CCDC91: variants seen among roughly 807,000 people sequenced by gnomAD.
CCDC91 encodes coiled-coil domain containing 91.
In CCDC91, 48 loss-of-function variants were observed where a neutral mutation model predicts 63.2. The observed-to-expected ratio is 0.76, with a 90% CI of 0.60 to 0.97. The LOEUF (loss-of-function observed/expected upper bound fraction) is 0.97. CCDC91 is among the 50% of genes least tolerant of loss of function. CCDC91 has a pLI of 0.00. For synonymous variants in CCDC91, 167 were observed against 165.8 expected, an observed-to-expected ratio of 1.01 and a Z score of -0.06; for missense variants, 500 against 494.6, an observed-to-expected ratio of 1.01 and a Z score of -0.10.
chr12:28,281,636 G>T lies in CCDC91; in HGVS notation c.109+22194G>T, dbSNP rs531179949. Among the ~76,000 whole-genome samples the T allele has an allele frequency of 5.3e-5, 8 of 152,154 alleles. No homozygotes were observed. The East Asian group carries it at 1.5e-3, about 29-fold the overall frequency. On this transcript the variant is annotated intron_variant, in intron 3 of 12. Coordinates refer to ENST00000536442, the MANE Select transcript of CCDC91 (RefSeq NM_018318.5). ...CTTATTTTCTTTTGTGTATGTGTAT[G>T]TTTCTCTGAATCTATTTAAGTATAG... is the stretch of plus-strand genomic sequence containing the variant.
chr12:28,325,311 C>G (rs1026433681), intron 6 of CCDC91, among the ~76,000 whole-genome samples: 1 of 151,868 alleles, frequency 6.6e-6, no homozygotes, highest in African/African-American at 2.4e-5. Context: ...ACTTTTTCTC[C>G]TGAAATGGTT....
At chr12:28,481,697 T>C (rs79622771) in intron 11 of CCDC91, among the ~76,000 whole-genome samples, 2,507 of 152,062 alleles carry the variant, frequency 0.016, 73 homozygotes, top group African/African-American at 0.057. Context: ...AAAGGAATAA[T>C]TTATACACGA....
chr12:28,492,188 T>C (rs1438562705), intron 12 of CCDC91, among the ~76,000 whole-genome samples: 1 of 151,748 alleles, frequency 6.6e-6, no homozygotes, highest in Non-Finnish European at 1.5e-5. Context: ...CATCTTAAAC[T>C]GCATATGGAG....
chr12:28,237,062 T>C (rs1477564801), intron 1 of CCDC91, among the ~76,000 whole-genome samples: 2 of 152,108 alleles, frequency 1.3e-5, no homozygotes, highest in African/African-American at 4.8e-5. Flanking sequence ...TGTATGCTAA[T>C]GAAAATGGAA....
intron 11 of CCDC91, among the ~76,000 whole-genome samples, chr12:28,457,078 C>T (rs1377381747): frequency 6.6e-6 from 1 of 152,054 alleles, no homozygotes; most frequent in Admixed American, 6.6e-5. Context: ...TTGGTGCTGT[C>T]TGTGTCACCC....
chr12:28,352,182 C>T (rs1022180530), intron 6 of CCDC91, among the ~76,000 whole-genome samples: 1 of 152,176 alleles, frequency 6.6e-6, no homozygotes, highest in Non-Finnish European at 1.5e-5. Context: ...CCTGAGCTTT[C>T]ATTGAGTCAT....
intron 3 of CCDC91, among the ~76,000 whole-genome samples, chr12:28,286,284 G>A (rs1046489200): frequency 6.6e-6 from 1 of 151,882 alleles, no homozygotes; most frequent in African/African-American, 2.4e-5. Context: ...GTGCCATGGG[G>A]GTTTGTTGTA....
At chr12:28,522,952 T>C (rs545450810) in intron 12 of CCDC91, among the ~76,000 whole-genome samples, 2 of 152,328 alleles carry the variant, frequency 1.3e-5, no homozygotes, top group South Asian at 4.1e-4. Context: ...TTTGTTATAA[T>C]TTCTGTTCTT....
chr12:28,354,876 C>T (rs1472807488), intron 6 of CCDC91, among the ~76,000 whole-genome samples: 1 of 152,120 alleles, frequency 6.6e-6, no homozygotes, highest in African/African-American at 2.4e-5. Flanking sequence ...CTTTAACATT[C>T]AGTGACTAAA....
At chr12:28,221,805 TTATG>T (rs1943973230) in intron 1 of CCDC91, among the ~76,000 whole-genome samples, 1 of 152,204 alleles carries the variant, frequency 6.6e-6, no homozygotes, top group Admixed American at 6.5e-5. Context: ...TCTCCCACGT[TTATG>T]TAGGTTAGAA....
chr12:28,504,781 T>C (rs1018396673), intron 12 of CCDC91, among the ~76,000 whole-genome samples: 2 of 152,078 alleles, frequency 1.3e-5, no homozygotes, highest in Admixed American at 6.6e-5. Context: ...GTTTCACTTA[T>C]ATTATAGACC....
intron 11 of CCDC91, among the ~76,000 whole-genome samples, chr12:28,460,795 A>C (rs74606310): frequency 2.1e-5 from 2 of 97,182 alleles, no homozygotes; most frequent in Non-Finnish European, 6.1e-5. Flanking sequence ...ATATATCTGT[A>C]TGTGTGTGTG....
At chr12:28,502,765 C>G (rs1407425728) in intron 12 of CCDC91, among the ~76,000 whole-genome samples, 3 of 150,782 alleles carry the variant, frequency 2.0e-5, no homozygotes, top group East Asian at 3.9e-4. Context: ...ACAGAGCCCT[C>G]AGAAATAACG....
At chr12:28,468,065 A>G (rs1036592578) in intron 11 of CCDC91, among the ~76,000 whole-genome samples, 1 of 152,032 alleles carries the variant, frequency 6.6e-6, no homozygotes, top group Admixed American at 6.5e-5. Context: ...AAATTAGTGA[A>G]AGAAAAGAAA....
rs770920646 is a variant in CCDC91 at position 28,259,428 on chromosome 12, C to A, written c.95C>A (p.Ala32Asp). 1 of 1,597,010 alleles carries A rather than the reference C, an allele frequency of 6.3e-7. No individual in the cohort carries two copies. Among genetic ancestry groups the A allele is most frequent in the East Asian group, 2.2e-5 (1 of 44,698 alleles). Residue 32 changes from alanine (A) to aspartate (D), a missense_variant, in exon 3 of 13, where the codon GCT (alanine) becomes GAT (aspartate). Transcript: ENST00000536442. ...TQTTSPAIPW[A>D]AFPAVSGVHL... The stretch of plus-strand genomic sequence containing the variant: ...ACAACATCTCCTGCTATTCCTTGGG[C>A]TGCCTTTCCTGCAGGTATTGGTATC...
At chr12:28,339,991 T>C (rs1942298246) in intron 6 of CCDC91, among the ~76,000 whole-genome samples, 1 of 152,172 alleles carries the variant, frequency 6.6e-6, no homozygotes, top group African/African-American at 2.4e-5. Flanking sequence ...CACACACTAC[T>C]TATAGCTATA....
intron 6 of CCDC91, among the ~76,000 whole-genome samples, chr12:28,340,294 G>A (rs1792232563): frequency 6.6e-6 from 1 of 152,102 alleles, no homozygotes; most frequent in African/African-American, 2.4e-5. Context: ...TGTCTTCATG[G>A]AAGACAGCTG....
intron 12 of CCDC91, among the ~76,000 whole-genome samples, chr12:28,487,533 G>A (rs1485465643): frequency 6.6e-6 from 1 of 151,618 alleles, no homozygotes; most frequent in African/African-American, 2.4e-5. Flanking sequence ...CTTCTTGTCT[G>A]TTTCCAAAAG....
intron 8 of CCDC91, among the ~76,000 whole-genome samples, chr12:28,429,058 GTT>G (rs1948489527): frequency 6.6e-6 from 1 of 152,122 alleles, no homozygotes; most frequent in Admixed American, 6.6e-5. Flanking sequence ...TCCCAAGGTG[GTT>G]TTGGGTCTAA....
Sources: gnomAD v4.1 joint callset for allele counts (sites outside exome capture counted in the v4.1 genomes callset) on GRCh38, gnomAD v4.1.1 for gene constraint, MANE v1.5 for transcripts, NCBI Gene and HGNC (gene_info 2026-07-23, HGNC 2026-07-21) for gene names.